The following SLC24A2 variants were observed in gnomAD, a reference collection of about 807,000 sequenced individuals.
SLC24A2 encodes the protein solute carrier family 24 member 2.
SLC24A2 carries 36 observed loss-of-function variants against 62.0 expected under a neutral mutation model. The ratio of observed to expected loss-of-function variants is 0.58; its 90% CI spans 0.44 to 0.77. The LOEUF is 0.77. Among genes scored for constraint, SLC24A2 ranks in the 30% least tolerant of loss-of-function variants. The pLI is 0.00. For missense variants in SLC24A2, 846 were observed against 817.9 expected (o/e 1.03, Z -0.42); for synonymous variants, 358 against 294.0 (o/e 1.22, Z -2.23).
intron 2 of SLC24A2, among the ~76,000 whole-genome samples, chr9:19,652,236 C>G (rs1383063437): frequency 6.6e-6 from 1 of 152,130 alleles, no homozygotes; most frequent in Non-Finnish European, 1.5e-5. Context: ...GTGAAGATAA[C>G]ATTTTAGAAT....
At chr9:19,747,399 C>T (rs1406235029) in intron 2 of SLC24A2, among the ~76,000 whole-genome samples, 1 of 152,062 alleles carries the variant, frequency 6.6e-6, no homozygotes, top group Non-Finnish European at 1.5e-5. Context: ...CTTGTTTTTG[C>T]TGTGTTACAT....
the SLC24A2 span, among the ~76,000 whole-genome samples, chr9:19,890,521 G>C: frequency 6.6e-5 from 10 of 152,106 alleles, no homozygotes; most frequent in Admixed American, 3.9e-4. Flanking sequence ...CTGGTTTTGT[G>C]TGTCAGCATA....
chr9:20,265,798 A>G, the SLC24A2 span, among the ~76,000 whole-genome samples: 6 of 152,204 alleles, frequency 3.9e-5, no homozygotes, highest in African/African-American at 9.7e-5. Flanking sequence ...AGCAAATGGG[A>G]GAAATATCGC....
At chr9:20,271,777 T>C in the SLC24A2 span, among the ~76,000 whole-genome samples, 1 of 152,044 alleles carries the variant, frequency 6.6e-6, no homozygotes, top group Non-Finnish European at 1.5e-5. Flanking sequence ...TTTGAATGAG[T>C]TTGCAAAATG....
chr9:20,184,080 A>T, the SLC24A2 span, among the ~76,000 whole-genome samples: 2 of 152,354 alleles, frequency 1.3e-5, no homozygotes, highest in Middle Eastern at 3.4e-3. Context: ...TAAGAAAACA[A>T]ATAACCCAAT....
chr9:20,170,418 C>T, the SLC24A2 span, among the ~76,000 whole-genome samples: 1 of 151,964 alleles, frequency 6.6e-6, no homozygotes, highest in Admixed American at 6.6e-5. Context: ...TGTCCCTCCC[C>T]CATGGGCTGG....
the SLC24A2 span, among the ~76,000 whole-genome samples, chr9:19,960,747 A>G: frequency 5.4e-3 from 828 of 152,276 alleles, 4 homozygotes; most frequent in Non-Finnish European, 9.7e-3. Flanking sequence ...TAGGCAAATC[A>G]CATAATCTCC....
chr9:19,703,779 A>C (rs979966981), intron 2 of SLC24A2, among the ~76,000 whole-genome samples: 1 of 152,202 alleles, frequency 6.6e-6, no homozygotes, highest in African/African-American at 2.4e-5. Context: ...TATGACAGGA[A>C]GTACTATGGC....
chr9:19,634,281 C>T (rs114413093), intron 2 of SLC24A2, among the ~76,000 whole-genome samples: 60 of 79,316 alleles, frequency 7.6e-4, no homozygotes, highest in Middle Eastern at 0.01. Flanking sequence ...ACTGCAGCCT[C>T]TTTTTTTTTT....
intron 5 of SLC24A2, among the ~76,000 whole-genome samples, chr9:19,578,207 AC>A (rs769642299): frequency 2.0e-5 from 3 of 152,194 alleles, no homozygotes; most frequent in South Asian, 2.1e-4. Context: ...GTAACCAAAT[AC>A]CACCTGTACC....
At chr9:20,036,732 G>A in the SLC24A2 span, among the ~76,000 whole-genome samples, 1 of 152,066 alleles carries the variant, frequency 6.6e-6, no homozygotes, top group Non-Finnish European at 1.5e-5. Context: ...TATCCCTGGG[G>A]GATCAGTTAT....
intron 2 of SLC24A2, among the ~76,000 whole-genome samples, chr9:19,736,279 T>C (rs1821508133): frequency 6.6e-6 from 1 of 152,114 alleles, no homozygotes; most frequent in Non-Finnish European, 1.5e-5. Context: ...ATAGTCTCAG[T>C]AAGAGAAAAC....
chr9:19,579,600 A>G (rs1327141429), intron 5 of SLC24A2, among the ~76,000 whole-genome samples: 2 of 152,336 alleles, frequency 1.3e-5, no homozygotes, highest in African/African-American at 2.4e-5. Context: ...TAGATGATCA[A>G]TATTTGCTAT....
chr9:20,214,036 G>A, the SLC24A2 span, among the ~76,000 whole-genome samples: 1 of 152,126 alleles, frequency 6.6e-6, no homozygotes, highest in African/African-American at 2.4e-5. Flanking sequence ...GTGAGTGGCA[G>A]AATTTTCTTT....
At chr9:19,549,993 A>T in intron 8 of SLC24A2, 144 bp downstream of exon 8, 1 of 765,732 alleles carries the variant, frequency 1.3e-6, no homozygotes, top group Non-Finnish European at 2.3e-6. Context: ...GTTACATAAT[A>T]GTTGTACCTA....
the SLC24A2 span, among the ~76,000 whole-genome samples, chr9:19,986,434 G>A: frequency 6.6e-6 from 1 of 152,026 alleles, no homozygotes; most frequent in Non-Finnish European, 1.5e-5. Flanking sequence ...TCCATCTCTA[G>A]GTATGTAATC....
chr9:19,993,727 G>A, the SLC24A2 span, among the ~76,000 whole-genome samples: 4 of 152,062 alleles, frequency 2.6e-5, no homozygotes, highest in East Asian at 3.9e-4. Context: ...TGAGCATTTC[G>A]TGGTCCTGTT....
chr9:20,066,527 C>T, the SLC24A2 span, among the ~76,000 whole-genome samples: 1 of 152,216 alleles, frequency 6.6e-6, no homozygotes, highest in Non-Finnish European at 1.5e-5. Context: ...CACTCTGTGT[C>T]TATATCCATA....
At chr9:20,303,525 T>C in the SLC24A2 span, among the ~76,000 whole-genome samples, 276 of 152,306 alleles carry the variant, frequency 1.8e-3, no homozygotes, top group African/African-American at 6.4e-3. Flanking sequence ...GACAGCATAG[T>C]TTAAGGGCCA....
Sources: allele counts gnomAD v4.1 joint callset (sites outside exome capture counted in the v4.1 genomes callset), GRCh38; gene constraint gnomAD v4.1.1; transcripts MANE v1.5; gene names NCBI Gene and HGNC (gene_info 2026-07-23, HGNC 2026-07-21).